CYP7B1: variants seen among roughly 807,000 people sequenced by gnomAD.
The protein encoded by CYP7B1 is cytochrome P450 family 7 subfamily B member 1.
In CYP7B1, 29 loss-of-function variants were observed where a neutral mutation model predicts 42.7. The observed-to-expected ratio is 0.68, with a 90% CI of 0.51 to 0.93. The LOEUF (loss-of-function observed/expected upper bound fraction) is 0.93. CYP7B1 is among the 40% of genes least tolerant of loss of function. The probability of loss-of-function intolerance (pLI) is 0.00; values close to 1 mark genes in which losing one functional copy is unlikely to be tolerated. For missense variants in CYP7B1, 655 were observed against 600.5 expected (o/e 1.09, Z -0.95); for synonymous variants, 235 against 218.2 (o/e 1.08, Z -0.68).
At chr8:64,676,213 C>T (rs950204107) in intron 1 of CYP7B1, among the ~76,000 whole-genome samples, 1 of 152,020 alleles carries the variant, frequency 6.6e-6, no homozygotes, top group African/African-American at 2.4e-5. Context: ...TATGGGGTAC[C>T]TACTCCAGAG....
chr8:64,673,369 C>A (rs1334476423), intron 1 of CYP7B1, among the ~76,000 whole-genome samples: 3 of 152,130 alleles, frequency 2.0e-5, no homozygotes, highest in Non-Finnish European at 4.4e-5. Flanking sequence ...TGCCTCCAAC[C>A]CTTTTTGGTT....
At chr8:64,692,905 G>A (rs1403760106) in intron 1 of CYP7B1, among the ~76,000 whole-genome samples, 5 of 152,158 alleles carry the variant, frequency 3.3e-5, no homozygotes, top group African/African-American at 1.2e-4. Context: ...GTTTACTAGG[G>A]TGAAAAATGC....
chr8:64,745,788 T>C (rs1807635273), intron 1 of CYP7B1, among the ~76,000 whole-genome samples: 1 of 152,164 alleles, frequency 6.6e-6, no homozygotes, highest in Non-Finnish European at 1.5e-5. Flanking sequence ...ATATGATTGG[T>C]ACAAACAATA....
intron 1 of CYP7B1, among the ~76,000 whole-genome samples, chr8:64,717,467 A>G (rs1807173352): frequency 6.6e-6 from 1 of 152,238 alleles, no homozygotes; most frequent in African/African-American, 2.4e-5. Flanking sequence ...TAAATCATGT[A>G]TCTATTCTAC....
chr8:64,723,838 C>T (rs778756038), intron 1 of CYP7B1, among the ~76,000 whole-genome samples: 3 of 151,990 alleles, frequency 2.0e-5, no homozygotes, highest in African/African-American at 4.8e-5. Flanking sequence ...GAAAAACTGT[C>T]GGCCATTCAT....
intron 2 of CYP7B1, among the ~76,000 whole-genome samples, chr8:64,623,031 G>A (rs1468554628): frequency 3.3e-5 from 5 of 152,134 alleles, no homozygotes; most frequent in Non-Finnish European, 5.9e-5. Context: ...CTAGTGTGTA[G>A]AGATCAGCTT....
At chr8:64,704,424 T>TAG (rs1472570307) in intron 1 of CYP7B1, among the ~76,000 whole-genome samples, 1 of 152,038 alleles carries the variant, frequency 6.6e-6, no homozygotes, top group East Asian at 1.9e-4. Context: ...TAATATGACT[T>TAG]TCCTAAGTAA....
Position 64,604,718 on chromosome 8 carries a change from G to A in CYP7B1, c.1197C>T (p.Val399=), listed in dbSNP as rs762466567. ...CAAAGATTTCAGGGTCACCATGTAG[G>A]ACTGGAGGAAAGATGGCTACCAAGT... ...KGDLVAIFPP[V]LHGDPEIFEA... The change falls in exon 5 of 6, where the codon GTC becomes GTT. Residue 399 remains valine (V), a synonymous_variant. Coordinates refer to ENST00000310193, the MANE Select transcript of CYP7B1 (RefSeq NM_004820.5). The A allele has an allele frequency of 1.9e-6, 3 of 1,614,120 alleles. No individual in the cohort carries two copies. The Admixed American group carries it at 5.0e-5, about 27-fold the overall frequency.
chr8:64,797,587 A>C (rs991421342), intron 1 of CYP7B1, among the ~76,000 whole-genome samples: 4 of 152,232 alleles, frequency 2.6e-5, no homozygotes. Context: ...ATTTGTATGC[A>C]GTACAAAGGT....
chr8:64,756,856 G>A (rs868562994), intron 1 of CYP7B1, among the ~76,000 whole-genome samples: 2 of 152,154 alleles, frequency 1.3e-5, no homozygotes, highest in East Asian at 1.9e-4. Context: ...AAGCACTTAC[G>A]GAAAATAACA....
At chr8:64,625,017 A>G (rs984638846) in intron 1 of CYP7B1, among the ~76,000 whole-genome samples, 2 of 115,138 alleles carry the variant, frequency 1.7e-5, no homozygotes, top group Non-Finnish European at 3.2e-5. Context: ...TCTGTCACCC[A>G]GGCTGGAGTG....
chr8:64,623,627 T>G (rs1157694509), intron 2 of CYP7B1, among the ~76,000 whole-genome samples: 1 of 152,204 alleles, frequency 6.6e-6, no homozygotes, highest in African/African-American at 2.4e-5. Flanking sequence ...CCTAGAATGT[T>G]TGGGGTGTGT....
intron 1 of CYP7B1, among the ~76,000 whole-genome samples, chr8:64,663,957 A>G (rs1298295557): frequency 6.6e-6 from 1 of 152,174 alleles, no homozygotes; most frequent in East Asian, 1.9e-4. Context: ...GGTAGACGAA[A>G]AAAATGGAGT....
intron 5 of CYP7B1, among the ~76,000 whole-genome samples, chr8:64,603,358 G>A (rs1275347076): frequency 6.6e-6 from 1 of 152,042 alleles, no homozygotes; most frequent in African/African-American, 2.4e-5. Flanking sequence ...TAAAGACAGT[G>A]GTAATCTGGT....
intron 2 of CYP7B1, among the ~76,000 whole-genome samples, chr8:64,618,119 G>A (rs997311199): frequency 1.3e-5 from 2 of 149,814 alleles, no homozygotes; most frequent in African/African-American, 4.9e-5. Flanking sequence ...ACCCAATTTA[G>A]GCATATTTTA....
chr8:64,594,062 G>A lies in CYP7B1; in HGVS notation c.*2580C>T, dbSNP rs1375080364. On this transcript the variant is annotated 3_prime_UTR_variant, in exon 6 of 6. Transcript: ENST00000310193. Reference sequence around the variant, plus strand: ...CTGAGGATGGGACATAACAAATTTAGAACATCTTAGGAAGAATTAAAGTTA... The same window carrying A: ...CTGAGGATGGGACATAACAAATTTAAAACATCTTAGGAAGAATTAAAGTTA... Among the ~76,000 whole-genome samples the A allele has an allele frequency of 4.6e-5, 7 of 151,152 alleles. No individual in the cohort carries two copies. Among genetic ancestry groups the A allele is most frequent in the Admixed American group, 4.6e-4 (7 of 15,194 alleles).
intron 1 of CYP7B1, among the ~76,000 whole-genome samples, chr8:64,757,690 C>A (rs138240071): frequency 7.2e-4 from 109 of 152,344 alleles, no homozygotes; most frequent in African/African-American, 2.5e-3. Flanking sequence ...CTTGGCAGTA[C>A]CTCACCTCTG....
rs1441033198 is a variant in CYP7B1 at position 64,595,728 on chromosome 8, C to T, written c.*914G>A. On this transcript the variant is annotated 3_prime_UTR_variant, in exon 6 of 6. Transcript: ENST00000310193. ...AAATAGAACACATGAACTCCAAATC[C>T]AAAAGGTGAGACATCAAAACCAAAT... Among the ~76,000 whole-genome samples the T allele has an allele frequency of 6.6e-6, 1 of 152,172 alleles. No individual in the cohort carries two copies. The highest frequency in any genetic ancestry group is 1.5e-5 in the Non-Finnish European group (1 of 68,016).
At position 64,604,682 on chromosome 8, in the gene CYP7B1, C is replaced by G; in HGVS notation, c.1233G>C (p.Glu411Asp). 6.2e-7 allele frequency: 1 copy of G among 1,614,064 alleles called. No homozygotes were observed. Among genetic ancestry groups the G allele is most frequent in the Non-Finnish European group, 8.5e-7 (1 of 1,180,012 alleles). ...AATCATAGGCTTGATGTTTACTTAC[C>G]TCTGGAGCTTCAAAGATTTCAGGGT... ...HGDPEIFEAP[E>D]EFRYDRFIED... Residue 411 changes from glutamate (E) to aspartate (D), a missense_variant and splice_region_variant, in exon 5 of 6, where the codon GAG becomes GAC. Transcript: ENST00000310193.
Sources: allele counts gnomAD v4.1 joint callset (sites outside exome capture counted in the v4.1 genomes callset), GRCh38; gene constraint gnomAD v4.1.1; transcripts MANE v1.5; gene names NCBI Gene and HGNC (gene_info 2026-07-23, HGNC 2026-07-21).